The following TIGAR variants were observed in gnomAD, a reference collection of about 807,000 sequenced individuals.
TIGAR encodes the protein TP53 induced glycolysis regulatory phosphatase.
A neutral mutation model predicts 17.9 loss-of-function variants in TIGAR; 7 were observed. That is an observed-to-expected ratio of 0.39 (90% CI 0.22 to 0.73). TIGAR has a LOEUF of 0.73. Ranked by LOEUF, TIGAR falls within the 30% of genes least tolerant of loss-of-function variation. The pLI, the probability that TIGAR is intolerant of heterozygous loss-of-function variation, is 0.42. For missense variants in TIGAR, 258 were observed against 327.4 expected (o/e 0.79, Z 1.64); for synonymous variants, 94 against 108.6 (o/e 0.87, Z 0.84).
At chr12:4,332,084 T>C (rs1326181507) in intron 2 of TIGAR, among the ~76,000 whole-genome samples, 1 of 152,174 alleles carries the variant, frequency 6.6e-6, no homozygotes, top group African/African-American at 2.4e-5. Context: ...TCTTACCACC[T>C]GGCCTTTGGT....
At position 4,352,713 on chromosome 12, in the gene TIGAR, T is replaced by C. The variant is rs1372598277; in HGVS notation, c.*22T>C. The stretch of plus-strand genomic sequence containing the variant: ...CTAAGGTTAAATCTGCATCAAAATC[T>C]AACCATTTTGAGCCTCTGAAGGGAG... On this transcript the variant is annotated 3_prime_UTR_variant, in exon 6 of 6. Transcript: ENST00000179259. The C allele has an allele frequency of 3.2e-6, 5 of 1,584,312 alleles. No individual in the cohort carries two copies. Among genetic ancestry groups the C allele is most frequent in the Non-Finnish European group, 4.3e-6 (5 of 1,170,318 alleles).
intron 5 of TIGAR, 100 bp downstream of exon 5, chr12:4,351,477 C>A (rs76112210): frequency 2.6e-4 from 221 of 856,896 alleles, no homozygotes; most frequent in Non-Finnish European, 3.8e-4. Context: ...GGTTCATTCT[C>A]TTTTCCATTT....
At chr12:4,337,964 C>G (rs1032962144) in intron 3 of TIGAR, among the ~76,000 whole-genome samples, 2 of 152,116 alleles carry the variant, frequency 1.3e-5, no homozygotes, top group Non-Finnish European at 1.5e-5. Flanking sequence ...AACCCTATCT[C>G]CACTACAAAT....
At chr12:4,349,928 C>T (rs767314948) in intron 4 of TIGAR, 32 bp downstream of exon 4, 1 of 1,440,538 alleles carries the variant, frequency 6.9e-7, no homozygotes, top group Non-Finnish European at 9.4e-7. Context: ...TGTTCTTCCC[C>T]ATAAATTATC....
chr12:4,349,734 A>G, intron 3 of TIGAR, 85 bp from the exon 4 acceptor site: 1 of 1,167,832 alleles, frequency 8.6e-7, no homozygotes, highest in Non-Finnish European at 1.2e-6. Context: ...TTTTTTATTC[A>G]CTAAGATGAC....
At position 4,330,146 on chromosome 12, in the gene TIGAR, C is replaced by T. The variant is rs896910140; in HGVS notation, c.33-1134C>T. ...GGCCTGAGTTTGTGATTCTGACTTC[C>T]AGGTCTGGTAGATTTTTTTTTCTAG... On this transcript the variant is annotated intron_variant, in intron 1 of 5. Coordinates refer to ENST00000179259, the MANE Select transcript of TIGAR (RefSeq NM_020375.3). Among the ~76,000 whole-genome samples, 4 of 152,102 alleles carry T rather than the reference C, an allele frequency of 2.6e-5. No homozygotes were observed. In the East Asian group the frequency reaches 7.7e-4, roughly 29 times the overall value.
chr12:4,359,684 G>A lies in TIGAR; in HGVS notation c.*6993G>A, dbSNP rs1240525145. ...TAAATATTTTTACAAGTCTTTTTGC[G>A]GACGTATGTTTTCATTTCTCTTGGG... On this transcript the variant is annotated 3_prime_UTR_variant, in exon 6 of 6. Coordinates refer to ENST00000179259, the MANE Select transcript of TIGAR (RefSeq NM_020375.3). 7.2e-5 allele frequency among the ~76,000 whole-genome samples: 11 copies of A among 152,078 alleles called. No homozygotes were observed. The highest frequency in any genetic ancestry group is 1.4e-4 in the African/African-American group (6 of 41,394).
At chr12:4,343,309 G>T (rs1488104372) in intron 3 of TIGAR, among the ~76,000 whole-genome samples, 1 of 152,060 alleles carries the variant, frequency 6.6e-6, no homozygotes, top group Non-Finnish European at 1.5e-5. Flanking sequence ...CCCACTGTCA[G>T]CATTAGACAG....
In TIGAR at chr12:4,324,323, C is replaced by CTTTTTTTTTT. The variant is rs34096957; in HGVS notation, c.32+3028_32+3037dup. ...CCGGCAAAACCATCCATTTAACTTC[C>CTTTTTTTTTT]TTTTTTTTTTTTTTTTTGGAAATAT... On this transcript the variant is annotated intron_variant, in intron 1 of 5. Coordinates refer to ENST00000179259, the MANE Select transcript of TIGAR (RefSeq NM_020375.3). 2.9e-5 allele frequency: 18 copies of CTTTTTTTTTT among 628,012 alleles called. No individual in the cohort carries two copies. The African/African-American group carries it at 3.2e-4, about 11-fold the overall frequency. 38.9% of individuals were successfully genotyped at this position (628,012 alleles called of 1,614,324 possible).
intron 3 of TIGAR, among the ~76,000 whole-genome samples, chr12:4,346,830 G>T (rs1373959427): frequency 6.6e-6 from 1 of 151,990 alleles, no homozygotes; most frequent in Non-Finnish European, 1.5e-5. Context: ...TCAGAGAAAT[G>T]CATATCCAAA....
At chr12:4,340,658 A>G (rs1262249782) in intron 3 of TIGAR, among the ~76,000 whole-genome samples, 3 of 152,232 alleles carry the variant, frequency 2.0e-5, no homozygotes, top group Non-Finnish European at 4.4e-5. Flanking sequence ...ACAAAGAGCT[A>G]TAGAAACCAA....
rs1864851423 is a variant in TIGAR at position 4,352,752 on chromosome 12, ATTTAC to A, written c.*64_*68del. On this transcript the variant is annotated 3_prime_UTR_variant, in exon 6 of 6. Transcript: ENST00000179259. ...CTCTGAAGGGAGTGCCATTGGCTTTATTTACTTCTCTCCTCTGCTAGTTCTGATTT... is the reference window on the plus strand; with the variant it reads ...CTCTGAAGGGAGTGCCATTGGCTTTATTCTCTCCTCTGCTAGTTCTGATTT... The A allele has an allele frequency of 4.0e-6, 6 of 1,487,926 alleles. No individual in the cohort carries two copies. The highest frequency in any genetic ancestry group is 5.4e-6 in the Non-Finnish European group (6 of 1,109,396). The allele number at this position is 1,487,926 out of a possible 1,614,324, so 92.2% of individuals were successfully genotyped here. A position where few individuals can be genotyped will look rare whatever the true frequency, so the allele number is the denominator to read the frequency against.
Position 4,321,320 on chromosome 12 carries a change from C to T in TIGAR, c.32+17C>T. 1.2e-6 allele frequency: 2 copies of T among 1,600,718 alleles called. No individual in the cohort carries two copies. Among genetic ancestry groups the T allele is most frequent in the Non-Finnish European group, 1.7e-6 (2 of 1,179,712 alleles). ...TGTCCGGCAGTGAGTATGGCTGTGGCAGGATGTCTTTCTCTCTCTCTTCCT... is the reference window on the plus strand; with the variant it reads ...TGTCCGGCAGTGAGTATGGCTGTGGTAGGATGTCTTTCTCTCTCTCTTCCT... On this transcript the variant is annotated intron_variant, in intron 1 of 5. Coordinates refer to ENST00000179259, the MANE Select transcript of TIGAR (RefSeq NM_020375.3). This position sits in a 1 kb window ranked among gnomAD's most constrained non-coding sequence, Gnocchi z 5.2.
chr12:4,358,747 A>G lies in TIGAR; in HGVS notation c.*6056A>G, dbSNP rs1219639040. Among the ~76,000 whole-genome samples, 1 of 151,582 alleles carries G rather than the reference A, an allele frequency of 6.6e-6. No individual in the cohort carries two copies. Among genetic ancestry groups the G allele is most frequent in the Non-Finnish European group, 1.5e-5 (1 of 67,910 alleles). On this transcript the variant is annotated 3_prime_UTR_variant, in exon 6 of 6. Coordinates refer to ENST00000179259, the MANE Select transcript of TIGAR (RefSeq NM_020375.3). Reference sequence around the variant, plus strand: ...TGGCTTTTTTTTTTTTTCTGAATCAAGAATCCAATCAATCCAGGACTGTGT... The same window carrying G: ...TGGCTTTTTTTTTTTTTCTGAATCAGGAATCCAATCAATCCAGGACTGTGT...
At chr12:4,328,199 C>CT (rs574827570) in intron 1 of TIGAR, among the ~76,000 whole-genome samples, 104 of 151,538 alleles carry the variant, frequency 6.9e-4, no homozygotes, top group Non-Finnish European at 1.3e-3. Context: ...TGTAGGAAAT[C>CT]TTTTTTTTTG....
At chr12:4,326,179 T>C (rs945004311) in intron 1 of TIGAR, among the ~76,000 whole-genome samples, 2 of 152,226 alleles carry the variant, frequency 1.3e-5, no homozygotes, top group Non-Finnish European at 2.9e-5. Context: ...GGTTTCTGTT[T>C]TGGAAATGGA....
intron 1 of TIGAR, among the ~76,000 whole-genome samples, chr12:4,329,137 G>A (rs549688603): frequency 6.6e-6 from 1 of 151,986 alleles, no homozygotes; most frequent in South Asian, 2.1e-4. Context: ...ATCTTGGTGA[G>A]CATTCCATAT....
chr12:4,352,390 C>T lies in TIGAR; in HGVS notation c.512C>T (p.Pro171Leu). The stretch of plus-strand genomic sequence containing the variant: ...GAAACTTCTTTGGCAGAGATATTTC[C>T]TTTAGGAAAAAATCACAGCTCTAAA... Reference protein sequence around the residue: ...CLETSLAEIFPLGKNHSSKVN... With the variant: ...CLETSLAEIFLLGKNHSSKVN... Residue 171 changes from proline to leucine, a missense_variant, in exon 6 of 6, where the codon CCT becomes CTT. Pro to Leu is a moderately conservative substitution (Grantham distance 98). Transcript: ENST00000179259. The T allele has an allele frequency of 6.2e-7, 1 of 1,614,132 alleles. No homozygotes were observed. Among genetic ancestry groups the T allele is most frequent in the South Asian group, 1.1e-5 (1 of 91,080 alleles).
chr12:4,322,502 G>A (rs893776538), intron 1 of TIGAR, among the ~76,000 whole-genome samples: 1 of 152,214 alleles, frequency 6.6e-6, no homozygotes, highest in African/African-American at 2.4e-5. Flanking sequence ...TATAAAGAAA[G>A]CTCCAATAAA....
Sources: allele counts gnomAD v4.1 joint callset (sites outside exome capture counted in the v4.1 genomes callset), GRCh38; gene constraint gnomAD v4.1.1; non-coding constraint Gnocchi (gnomAD v3.1); transcripts MANE v1.5; gene names NCBI Gene and HGNC (gene_info 2026-07-23, HGNC 2026-07-21).